Variants in ADPRHL1 observed in about 807,000 individuals in gnomAD.
ADPRHL1 encodes ADP-ribosylhydrolase like 1, also known as inactive ADP-ribosyltransferase ARH2.
In ADPRHL1, 43 loss-of-function variants were observed where a neutral mutation model predicts 44.1. That is an observed-to-expected ratio of 0.98 (90% confidence interval 0.76 to 1.26). The LOEUF (loss-of-function observed/expected upper bound fraction) is 1.26. ADPRHL1 is among the 50% of genes most tolerant of loss of function. ADPRHL1 has a pLI of 0.00. For synonymous variants in ADPRHL1, 878 were observed against 1,017.4 expected (o/e 0.86, Z 2.61); for missense variants, 2,022 against 2,496.9 (o/e 0.81, Z 4.05).
In ADPRHL1 at chr13:113,453,470, C is replaced by A; in HGVS notation, c.-33G>T. On this transcript the variant is annotated 5_prime_UTR_variant, in exon 1 of 8. Coordinates refer to ENST00000612156, the MANE Select transcript of ADPRHL1 (RefSeq NM_001394807.1). The surrounding 1 kb of genome is among the most constrained non-coding windows in gnomAD (Gnocchi z 5.4). Reference sequence around the variant, plus strand: ...GGCAGCTCCTCTTCCCCAACAGCTGCGGAGCGTCCTGGCCTTTGTCTCCTC... The same window carrying A: ...GGCAGCTCCTCTTCCCCAACAGCTGAGGAGCGTCCTGGCCTTTGTCTCCTC... 1 of 1,608,386 alleles carries A rather than the reference C, an allele frequency of 6.2e-7. No individual in the cohort carries two copies. The highest frequency in any genetic ancestry group is 1.1e-5 in the South Asian group (1 of 90,556).
chr13:113,415,750 CAAAAA>C (rs71214119), intron 7 of ADPRHL1, among the ~76,000 whole-genome samples: 5 of 63,070 alleles, frequency 7.9e-5, no homozygotes, highest in East Asian at 5.0e-4. Flanking sequence ...GACTCCATCT[CAAAAA>C]AAAAAAAAAA....
rs950048609 is a variant in ADPRHL1, at chr13:113,409,493, G to A, written c.1062-1273C>T. 10 of 985,430 alleles carry A rather than the reference G, an allele frequency of 1.0e-5. No homozygotes were observed. The highest frequency in any genetic ancestry group is 9.6e-6 in the Non-Finnish European group (8 of 829,930). The allele number at this position is 985,430 out of a possible 1,614,324, so 61.0% of individuals were successfully genotyped here. ...CTCGATGTCCAACTCCAGGGCGGCC[G>A]CACAATGGCACGTCCACATTTGTGG... On this transcript the variant is annotated intron_variant, in intron 7 of 7. Coordinates refer to ENST00000612156, the MANE Select transcript of ADPRHL1 (RefSeq NM_001394807.1). This position sits in a 1 kb window ranked among gnomAD's most constrained non-coding sequence, Gnocchi z 4.2.
At chr13:113,422,559 TGCCAC>T in intron 7 of ADPRHL1, 1 of 485,202 alleles carries the variant, frequency 2.1e-6, no homozygotes, top group Non-Finnish European at 3.7e-6. Flanking sequence ...TGCGGGTGAG[TGCCAC>T]GCATGGAGGT....
chr13:113,406,002 C>T lies in ADPRHL1; in HGVS notation c.3280G>A (p.Glu1094Lys), dbSNP rs997598529. 10 of 1,231,986 alleles carry T rather than the reference C, an allele frequency of 8.1e-6. No individual in the cohort carries two copies. Among genetic ancestry groups the T allele is most frequent in the African/African-American group, 4.7e-5 (3 of 64,434 alleles). The allele number at this position is 1,231,986 out of a possible 1,614,324, so 76.3% of individuals were successfully genotyped here. ...TCATTTAATGAGGACAGTGGGTTCT[C>T]GCGAACATCATGGCTGGTGATTTCC... is the stretch of plus-strand genomic sequence containing the variant. ...AEEITSHDVR[E>K]NPLSSLNEPP... Residue 1094 changes from glutamate to lysine, a missense_variant, in exon 8 of 8, where the codon GAG becomes AAG. By Grantham distance (56) the Glu-to-Lys change is moderately conservative. Coordinates refer to ENST00000612156, the MANE Select transcript of ADPRHL1 (RefSeq NM_001394807.1).
intron 2 of ADPRHL1, among the ~76,000 whole-genome samples, chr13:113,434,162 A>G (rs1299073088): frequency 6.6e-6 from 1 of 152,152 alleles, no homozygotes; most frequent in Non-Finnish European, 1.5e-5. Context: ...TTTTCCCTGT[A>G]AAAACAGCTT....
rs948914979 is a variant in ADPRHL1 at position 113,399,899 on chromosome 13, T to C, written c.*3479A>G. On this transcript the variant is annotated 3_prime_UTR_variant, in exon 8 of 8. Coordinates refer to ENST00000612156, the MANE Select transcript of ADPRHL1 (RefSeq NM_001394807.1). ...CAGACAACGACCCTCCCTGAGCGAG[T>C]GTCCTGAACATGACCACATTCTCGT... is the stretch of plus-strand genomic sequence containing the variant. 4 of 151,620 alleles carry C rather than the reference T, an allele frequency of 2.6e-5. No homozygotes were observed. The highest frequency in any genetic ancestry group is 9.7e-5 in the African/African-American group (4 of 41,304). 9.4% of individuals were successfully genotyped at this position (151,620 alleles called of 1,614,324 possible).
intron 7 of ADPRHL1, among the ~76,000 whole-genome samples, chr13:113,412,768 A>G (rs1226735847): frequency 2.8e-5 from 4 of 143,592 alleles, no homozygotes; most frequent in Admixed American, 1.4e-4. Context: ...ACCCACCGCC[A>G]ACAGCGCCCC....
rs2043804263 is a variant in ADPRHL1 at position 113,405,840 on chromosome 13, C to T, written c.3442G>A (p.Gly1148Ser). The T allele has an allele frequency of 1.6e-6, 2 of 1,231,902 alleles. No homozygotes were observed. The highest frequency in any genetic ancestry group is 2.0e-6 in the Non-Finnish European group (2 of 988,054). 76.3% of individuals were successfully genotyped at this position (1,231,902 alleles called of 1,614,324 possible). The stretch of plus-strand genomic sequence containing the variant: ...GACAAGGCTCTGCTTCCCCACTGGC[C>T]CAGCGTCTCTGGCTCTCCCGCTGTG... ...DRTAGEPETL[G>S]QWGSRALSES... The change falls in exon 8 of 8, where the codon GGC (glycine) becomes AGC (serine). Residue 1148 changes from glycine (G) to serine (S), a missense_variant. By Grantham distance (56) the Gly-to-Ser change is moderately conservative. Around this residue, in one of 8 missense-constraint regions of ADPRHL1, gnomAD observed 1,221 missense variants for 1,517.8 expected, o/e 0.80. Coordinates refer to ENST00000612156, the MANE Select transcript of ADPRHL1 (RefSeq NM_001394807.1).
chr13:113,415,270 G>A (rs1299788373), intron 7 of ADPRHL1, among the ~76,000 whole-genome samples: 1 of 152,186 alleles, frequency 6.6e-6, no homozygotes, highest in Non-Finnish European at 1.5e-5. Context: ...GGTGAGAAAC[G>A]CCTGCCCGCG....
chr13:113,453,299 C>T lies in ADPRHL1; in HGVS notation c.139G>A (p.Val47Ile), dbSNP rs770009735. The T allele has an allele frequency of 1.4e-5, 22 of 1,614,058 alleles. No homozygotes were observed. In the East Asian group the frequency reaches 4.0e-4, roughly 29 times the overall value. ...LQRSGGLDHL[V>I]LSPGEWPVSD... is the part of the protein sequence containing the mutation. Reference sequence around the variant, plus strand: ...ACGGGCCATTCTCCTGGCGAGAGTACGAGGTGGTCCAGGCCCCCGGAACGT... The same window carrying T: ...ACGGGCCATTCTCCTGGCGAGAGTATGAGGTGGTCCAGGCCCCCGGAACGT... Residue 47 changes from valine to isoleucine, a missense_variant, in exon 1 of 8, where the codon GTA becomes ATA. By Grantham distance (29) the Val-to-Ile change is conservative. Around this residue, in one of 8 missense-constraint regions of ADPRHL1, gnomAD observed 437 missense variants for 430.7 expected, o/e 1.01. Transcript: ENST00000612156. This position sits in a 1 kb window ranked among gnomAD's most constrained non-coding sequence, Gnocchi z 5.4.
At chr13:113,415,036 A>C (rs1304227709) in intron 7 of ADPRHL1, among the ~76,000 whole-genome samples, 2 of 152,106 alleles carry the variant, frequency 1.3e-5, no homozygotes, top group African/African-American at 4.8e-5. Context: ...CATGAAGATC[A>C]GGGAGGGCGA....
chr13:113,451,559 G>A (rs1014453408), intron 1 of ADPRHL1, among the ~76,000 whole-genome samples: 3 of 152,158 alleles, frequency 2.0e-5, no homozygotes, highest in South Asian at 2.1e-4. Context: ...TGTCATCCCA[G>A]CACTTTGGGA....
At chr13:113,444,923 C>T (rs912053628) in intron 1 of ADPRHL1, among the ~76,000 whole-genome samples, 1 of 152,168 alleles carries the variant, frequency 6.6e-6, no homozygotes, top group African/African-American at 2.4e-5. Context: ...GCACCCAGCC[C>T]CACCGTGCCC....
rs2139595454 is a variant in ADPRHL1 at position 113,406,986 on chromosome 13, G to A, written c.2296C>T (p.Pro766Ser). 1 of 1,232,228 alleles carries A rather than the reference G, an allele frequency of 8.1e-7. No homozygotes were observed. The highest frequency in any genetic ancestry group is 1.0e-6 in the Non-Finnish European group (1 of 988,082). 76.3% of individuals were successfully genotyped at this position (1,232,228 alleles called of 1,614,324 possible). The change falls in exon 8 of 8, where the codon CCT (proline) becomes TCT (serine). Residue 766 changes from proline (P) to serine (S), a missense_variant. Pro to Ser is a moderately conservative substitution (Grantham distance 74). Coordinates refer to ENST00000612156, the MANE Select transcript of ADPRHL1 (RefSeq NM_001394807.1). ...GCACACTCGCCTGGGGGCCCAGGAG[G>A]CCACGTGAGCCTGGCTCCCCTCACC... is the stretch of plus-strand genomic sequence containing the variant. ...QEVRGARLTW[P>S]PGPPGECAGE...
rs1253711872 is a variant in ADPRHL1, at chr13:113,453,472, G to A, written c.-35C>T. 6.2e-7 allele frequency: 1 copy of A among 1,606,118 alleles called. No homozygotes were observed. The highest frequency in any genetic ancestry group is 1.7e-5 in the Admixed American group (1 of 59,192). On this transcript the variant is annotated 5_prime_UTR_variant, in exon 1 of 8. Transcript: ENST00000612156. The surrounding 1 kb of genome is among the most constrained non-coding windows in gnomAD (Gnocchi z 5.4). ...CAGCTCCTCTTCCCCAACAGCTGCG[G>A]AGCGTCCTGGCCTTTGTCTCCTCCT...
At chr13:113,436,111 T>G (rs368202164) in intron 2 of ADPRHL1, among the ~76,000 whole-genome samples, 1 of 12,722 alleles carries the variant, frequency 7.9e-5, no homozygotes, top group Non-Finnish European at 1.8e-4. Flanking sequence ...GGACCCAGCA[T>G]CCACACGTAG....
intron 7 of ADPRHL1, among the ~76,000 whole-genome samples, chr13:113,415,770 A>AAAG (rs1555325970): frequency 3.8e-5 from 5 of 132,884 alleles, no homozygotes; most frequent in Non-Finnish European, 6.3e-5. Flanking sequence ...AAAAAAAAAA[A>AAAG]AGAGAGAGAG....
chr13:113,447,140 G>T (rs562627203), intron 1 of ADPRHL1, among the ~76,000 whole-genome samples: 3 of 149,276 alleles, frequency 2.0e-5, no homozygotes, highest in African/African-American at 7.5e-5. Flanking sequence ...CATGCAAGTT[G>T]TATGTGCATG....
In ADPRHL1 at chr13:113,403,360, C is replaced by A. The variant is rs535684975; in HGVS notation, c.*18G>T. 1 of 1,231,942 alleles carries A rather than the reference C, an allele frequency of 8.1e-7. No individual in the cohort carries two copies. Among genetic ancestry groups the A allele is most frequent in the African/African-American group, 1.5e-5 (1 of 64,528 alleles). 76.3% of individuals were successfully genotyped at this position (1,231,942 alleles called of 1,614,324 possible). A position where few individuals can be genotyped will look rare whatever the true frequency, so the allele number is the denominator to read the frequency against. ...GGATGTCACAGTGCTGGGCGAGCCACGGTGTGTACTCGGGGCCTCACTTTG... is the reference window on the plus strand; with the variant it reads ...GGATGTCACAGTGCTGGGCGAGCCAAGGTGTGTACTCGGGGCCTCACTTTG... On this transcript the variant is annotated 3_prime_UTR_variant, in exon 8 of 8. Transcript: ENST00000612156.
Sources: allele counts gnomAD v4.1 joint callset (sites outside exome capture counted in the v4.1 genomes callset), GRCh38; gene constraint gnomAD v4.1.1; regional missense constraint gnomAD v4.1.1; non-coding constraint Gnocchi (gnomAD v3.1); transcripts MANE v1.5; gene names NCBI Gene and HGNC (gene_info 2026-07-23, HGNC 2026-07-21).